SKOR2: variants seen among roughly 807,000 people sequenced by gnomAD.
SKOR2 encodes LBX1 corepressor 1-like protein.
Under a neutral mutation model 69.1 loss-of-function variants are expected in SKOR2, and 47 were observed. The observed-to-expected ratio is 0.68, with a 90% CI of 0.54 to 0.87. The LOEUF is 0.87. Among genes scored for constraint, SKOR2 ranks in the 40% least tolerant of loss-of-function variants. The pLI is 0.00. For synonymous variants in SKOR2, 717 were observed against 672.6 expected (o/e 1.07, Z -1.02); for missense variants, 1,404 against 1,472.2 (o/e 0.95, Z 0.76).
At chr18:47,238,886 G>C (rs2064236952) in intron 4 of SKOR2, among the ~76,000 whole-genome samples, 1 of 152,184 alleles carries the variant, frequency 6.6e-6, no homozygotes, top group Admixed American at 6.5e-5. Context: ...TTTTATGCTG[G>C]GCTGAGGCTC....
intron 3 of SKOR2, 21 bp downstream of exon 3, chr18:47,245,477 G>GTTTTTTTTTTTT: frequency 1.9e-6 from 1 of 517,858 alleles, no homozygotes; most frequent in Non-Finnish European, 2.6e-6. Flanking sequence ...AGTGGCAGCT[G>GTTTTTTTTTTTT]ATTTTTTTTT....
chr18:47,231,972 C>T (rs1439335144), intron 4 of SKOR2, among the ~76,000 whole-genome samples: 2 of 151,812 alleles, frequency 1.3e-5, no homozygotes, highest in African/African-American at 2.4e-5. Context: ...AAAACCTTGT[C>T]CCTACAAAAA....
At chr18:47,230,840 G>T in intron 5 of SKOR2, 95 bp downstream of exon 5, 1 of 1,262,394 alleles carries the variant, frequency 7.9e-7, no homozygotes, top group Non-Finnish European at 1.1e-6. Context: ...TGCTTGTCAA[G>T]CTAAAAATAT....
intron 6 of SKOR2, among the ~76,000 whole-genome samples, chr18:47,227,313 C>T (rs369510836): frequency 3.3e-5 from 5 of 150,042 alleles, no homozygotes; most frequent in South Asian, 4.2e-4. Context: ...CTTGGAACCA[C>T]GACAAGAAGC....
intron 8 of SKOR2, 149 bp downstream of exon 8, chr18:47,211,937 A>G (rs769002903): frequency 1.7e-6 from 1 of 596,314 alleles, no homozygotes; most frequent in Non-Finnish European, 2.4e-6. Flanking sequence ...CCATCCCCAG[A>G]CATAATGAAG....
intron 7 of SKOR2, among the ~76,000 whole-genome samples, chr18:47,217,156 G>A (rs529701606): frequency 7.9e-5 from 12 of 152,166 alleles, no homozygotes; most frequent in East Asian, 5.8e-4. Flanking sequence ...ATATCTAGCC[G>A]GATGGGCATG....
intron 4 of SKOR2, among the ~76,000 whole-genome samples, chr18:47,244,229 G>A (rs1160109798): frequency 6.6e-6 from 1 of 152,062 alleles, no homozygotes; most frequent in Non-Finnish European, 1.5e-5. Flanking sequence ...TCATTTGACA[G>A]GCAAATTTGC....
In SKOR2 at chr18:47,247,075, CG is replaced by C. The variant is rs1288073032; in HGVS notation, c.2108del (p.Pro703ArgfsTer79). On this transcript the variant is annotated frameshift_variant, in exon 2 of 9. Coordinates refer to ENST00000425639, the MANE Select transcript of SKOR2 (RefSeq NM_001278063.4). LOFTEE classifies it high-confidence loss of function. The surrounding 1 kb of genome is among the most constrained non-coding windows in gnomAD (Gnocchi z 6.6). Reference protein sequence around the residue: ...PAPPPPPPPPPPPPLAQHPHH... With the variant: ...PAPPPPPPPPXPPPLAQHPHH... The stretch of plus-strand genomic sequence containing the variant: ...GCGGGTGCTGGGCCAGAGGGGGCGG[CG>C]GGGGCGGCGGCGGCGGCGGCGGCGG... 1.7e-5 allele frequency: 8 copies of C among 477,320 alleles called. No homozygotes were observed. The highest frequency in any genetic ancestry group is 7.1e-4 in the Middle Eastern group (1 of 1,416). 29.6% of individuals were successfully genotyped at this position (477,320 alleles called of 1,614,324 possible).
At chr18:47,219,340 A>C (rs1223538379) in intron 7 of SKOR2, among the ~76,000 whole-genome samples, 1 of 152,250 alleles carries the variant, frequency 6.6e-6, no homozygotes, top group East Asian at 1.9e-4. Context: ...CAAGAAATTC[A>C]GAAAGCAAAC....
chr18:47,224,175 T>A (rs1393615551), intron 6 of SKOR2, among the ~76,000 whole-genome samples: 1 of 152,182 alleles, frequency 6.6e-6, no homozygotes, highest in Non-Finnish European at 1.5e-5. Flanking sequence ...CCCAAAGTAC[T>A]GGGACTACAG....
chr18:47,227,712 C>T (rs181968137), intron 6 of SKOR2, among the ~76,000 whole-genome samples: 34 of 152,312 alleles, frequency 2.2e-4, no homozygotes, highest in African/African-American at 7.7e-4. Context: ...CTTTCTGCTT[C>T]ATAATCACCA....
At chr18:47,221,707 A>G (rs1373281412) in intron 6 of SKOR2, among the ~76,000 whole-genome samples, 1 of 152,096 alleles carries the variant, frequency 6.6e-6, no homozygotes, top group Non-Finnish European at 1.5e-5. Context: ...CACCCTGTCC[A>G]TACCTGTATT....
Position 47,245,495 on chromosome 18 carries a change from T to TTTTTTTTTTTTTTTTC in SKOR2, c.2677+2_2677+3insGAAAAAAAAAAAAAAA. On this transcript the variant is annotated splice_region_variant and intron_variant, in intron 3 of 8. Coordinates refer to ENST00000425639, the MANE Select transcript of SKOR2 (RefSeq NM_001278063.4). ...GGCAGCTGATTTTTTTTTTTTTTTT[T>TTTTTTTTTTTTTTTTC]ACCTGAAAAGCTGTTGTCATCCTTT... 6.8e-7 allele frequency: 1 copy of TTTTTTTTTTTTTTTTC among 1,470,348 alleles called. No individual in the cohort carries two copies. The highest frequency in any genetic ancestry group is 9.0e-7 in the Non-Finnish European group (1 of 1,116,558). 91.1% of individuals were successfully genotyped at this position (1,470,348 alleles called of 1,614,324 possible).
chr18:47,214,105 C>A (rs2064136415), intron 7 of SKOR2, among the ~76,000 whole-genome samples: 1 of 152,164 alleles, frequency 6.6e-6, no homozygotes, highest in African/African-American at 2.4e-5. Context: ...AAAGGTTTAG[C>A]CAGTGTCTGT....
At chr18:47,233,245 T>C (rs2064206922) in intron 4 of SKOR2, among the ~76,000 whole-genome samples, 1 of 152,176 alleles carries the variant, frequency 6.6e-6, no homozygotes. Flanking sequence ...ACATGACCTC[T>C]CTATAGGCTC....
At chr18:47,217,586 T>C (rs1283801426) in intron 7 of SKOR2, among the ~76,000 whole-genome samples, 1 of 152,202 alleles carries the variant, frequency 6.6e-6, no homozygotes, top group African/African-American at 2.4e-5. Flanking sequence ...AGAGGACTGC[T>C]ATATGAGAGT....
rs1393267626 is a variant in SKOR2 at position 47,244,971 on chromosome 18, C to T, written c.2689G>A (p.Glu897Lys). 6.5e-7 allele frequency: 1 copy of T among 1,535,294 alleles called. No homozygotes were observed. Among genetic ancestry groups the T allele is most frequent in the East Asian group, 2.4e-5 (1 of 40,844 alleles). Residue 897 changes from glutamate (E) to lysine (K), a missense_variant, in exon 4 of 9, where the codon GAG becomes AAG. Coordinates refer to ENST00000425639, the MANE Select transcript of SKOR2 (RefSeq NM_001278063.4). ...GAGTCTGTGATGAAAAAGCTATGCT[C>T]CTTGTTCTTATCTAGAACCAAAACA... is the stretch of plus-strand genomic sequence containing the variant. ...DDNSFSDKNK[E>K]HSFFITDSDA...
intron 4 of SKOR2, chr18:47,234,484 C>A (rs1462580748): frequency 6.6e-6 from 1 of 152,128 alleles, no homozygotes; most frequent in African/African-American, 2.4e-5. Flanking sequence ...TATCCTTGCA[C>A]AGGGGCCATG....
intron 4 of SKOR2, chr18:47,234,414 C>T (rs946258138): frequency 6.6e-6 from 1 of 152,042 alleles, no homozygotes; most frequent in Non-Finnish European, 1.5e-5. Flanking sequence ...CTTTTTTATC[C>T]CCTATATTTC....
Sources: gnomAD v4.1 joint callset for allele counts (sites outside exome capture counted in the v4.1 genomes callset) on GRCh38, gnomAD v4.1.1 for gene constraint, Gnocchi (gnomAD v3.1) non-coding constraint, MANE v1.5 for transcripts, NCBI Gene and HGNC (gene_info 2026-07-23, HGNC 2026-07-21) for gene names.